RPS29: variants seen among roughly 807,000 people sequenced by gnomAD.
The protein encoded by RPS29 is ribosomal protein S29.
For synonymous variants in RPS29, 37 were observed against 26.9 expected, an observed-to-expected ratio of 1.37 and a Z score of -1.16; for missense variants, 60 against 75.7, an observed-to-expected ratio of 0.79 and a Z score of 0.77.
downstream of RPS29, among the ~76,000 whole-genome samples, chr14:49,581,184 C>G (rs966018624): frequency 1.3e-5 from 2 of 151,524 alleles, no homozygotes; most frequent in Admixed American, 6.6e-5. Flanking sequence ...GAGCAAAACT[C>G]TATCTCAAAA....
downstream of RPS29, among the ~76,000 whole-genome samples, chr14:49,581,291 CAGATA>C (rs1881326859): frequency 6.6e-6 from 1 of 152,220 alleles, no homozygotes; most frequent in African/African-American, 2.4e-5. Flanking sequence ...CCCCTCCTCT[CAGATA>C]AAACTGGGGT....
upstream of RPS29, chr14:49,598,687 G>C (rs1217178943): frequency 1.1e-5 from 8 of 699,984 alleles, no homozygotes; most frequent in Admixed American, 1.6e-4. Context: ...AATCCTCCCC[G>C]AACAGAAACA....
chr14:49,576,619 T>C (rs1881187798), exon 3 of RPS29: 1 of 152,230 alleles, frequency 6.6e-6, no homozygotes, highest in African/African-American at 2.4e-5. Context: ...CAGTGGCTCA[T>C]GCCTTGATTA....
At position 49,586,368 on chromosome 14, in the gene RPS29, A is replaced by C. The variant is rs746577571; in HGVS notation, c.-22T>G. The C allele has an allele frequency of 6.2e-7, 1 of 1,611,698 alleles. No homozygotes were observed. The highest frequency in any genetic ancestry group is 2.2e-5 in the East Asian group (1 of 44,880). On this transcript the variant is annotated 5_prime_UTR_variant, in exon 1 of 3. Coordinates refer to ENST00000245458, the MANE Select transcript of RPS29 (RefSeq NM_001032.5). Reference sequence around the variant, plus strand: ...CCATCTTGCTCTCAGCAGTGCAACGAGGTAAAAGGAAGAAGCTGGCCCACG... The same window carrying C: ...CCATCTTGCTCTCAGCAGTGCAACGCGGTAAAAGGAAGAAGCTGGCCCACG...
chr14:49,571,333 G>A (rs1048651683), exon 3 of RPS29: 4 of 152,136 alleles, frequency 2.6e-5, no homozygotes, highest in South Asian at 2.1e-4. Flanking sequence ...GTGACATAGC[G>A]TGCACAGTAT....
At chr14:49,577,783 C>T (rs1323729015) in exon 3 of RPS29, 18 of 1,593,414 alleles carry the variant, frequency 1.1e-5, no homozygotes, top group Non-Finnish European at 1.5e-5. Flanking sequence ...CGAGCGGTCT[C>T]AGGATGGCCA....
At chr14:49,591,837 G>C (rs1267992440) in intron 1 of RPS29, among the ~76,000 whole-genome samples, 1 of 149,462 alleles carries the variant, frequency 6.7e-6, no homozygotes, top group Non-Finnish European at 1.5e-5. Context: ...AGCCAGGATG[G>C]TCTCGATATC....
exon 3 of RPS29, chr14:49,577,841 A>G: frequency 6.3e-7 from 1 of 1,595,840 alleles, no homozygotes; most frequent in South Asian, 1.1e-5. Context: ...CAAGGAAGAC[A>G]GCTCAGGTCT....
chr14:49,595,616 T>TAA (rs113085857), intron 1 of RPS29, among the ~76,000 whole-genome samples: 6 of 140,148 alleles, frequency 4.3e-5, no homozygotes, highest in African/African-American at 1.6e-4. Context: ...TAAGCTAAAC[T>TAA]AAAAAAAAAA....
chr14:49,578,646 G>A (rs916329825), downstream of RPS29, among the ~76,000 whole-genome samples: 6 of 134,538 alleles, frequency 4.5e-5, no homozygotes, highest in Admixed American at 8.8e-5. Context: ...CTGCAACCTC[G>A]CTTTCCCCGG....
chr14:49,592,857 G>A (rs530252150), intron 1 of RPS29, among the ~76,000 whole-genome samples: 15 of 151,588 alleles, frequency 9.9e-5, no homozygotes, highest in East Asian at 5.9e-4. Context: ...GCAGTGAGCC[G>A]AGATTGCGCC....
At chr14:49,580,641 G>A (rs1464988389), downstream of RPS29, among the ~76,000 whole-genome samples, 1 of 152,188 alleles carries the variant, frequency 6.6e-6, no homozygotes, top group African/African-American at 2.4e-5. Context: ...GGAGGCTGAG[G>A]TGGGTGGATC....
At chr14:49,579,082 G>C (rs533110136), downstream of RPS29, among the ~76,000 whole-genome samples, 2 of 152,284 alleles carry the variant, frequency 1.3e-5, no homozygotes, top group South Asian at 4.1e-4. Context: ...AAATCCACAT[G>C]ATGAAACCCT....
At chr14:49,591,049 G>A (rs191356240), upstream of RPS29, among the ~76,000 whole-genome samples, 1 of 151,958 alleles carries the variant, frequency 6.6e-6, no homozygotes, top group Non-Finnish European at 1.5e-5. Flanking sequence ...GTTCAATAGT[G>A]TTATGTGTTT....
exon 3 of RPS29, chr14:49,571,034 A>G (rs1881043465): frequency 6.6e-6 from 1 of 152,202 alleles, no homozygotes. Flanking sequence ...ACATGCACCA[A>G]CTGAGTAGGA....
chr14:49,598,397 T>G (rs1258797475), intron 1 of RPS29: 2 of 686,706 alleles, frequency 2.9e-6, no homozygotes, highest in Non-Finnish European at 5.3e-6. Context: ...TCCATCCACC[T>G]ACCCGCCATG....
chr14:49,598,542 C>G (rs914072088), exon 1 of RPS29: 2 of 702,256 alleles, frequency 2.8e-6, no homozygotes, highest in Non-Finnish European at 5.2e-6. Context: ...AATGCGCCCT[C>G]GCTGGCTTAC....
intron 1 of RPS29, among the ~76,000 whole-genome samples, chr14:49,597,213 C>G (rs537470466): frequency 1.3e-5 from 2 of 151,910 alleles, no homozygotes; most frequent in East Asian, 1.9e-4. Context: ...CGCGCCCGGC[C>G]TAGTTAATTT....
exon 3 of RPS29, chr14:49,577,774 G>A (rs372760439): frequency 2.5e-5 from 39 of 1,556,322 alleles, no homozygotes; most frequent in African/African-American, 1.8e-4. Flanking sequence ...TGGGCTTCGC[G>A]AGCGGTCTCA....
Sources: gnomAD v4.1 joint callset for allele counts (sites outside exome capture counted in the v4.1 genomes callset) on GRCh38, gnomAD v4.1.1 for gene constraint, MANE v1.5 for transcripts, NCBI Gene and HGNC (gene_info 2026-07-23, HGNC 2026-07-21) for gene names.